Variants in SEMA6A observed in about 807,000 individuals in gnomAD.
The protein encoded by SEMA6A is semaphorin 6A.
In SEMA6A, 25 loss-of-function variants were observed where a neutral mutation model predicts 96.8. The ratio of observed to expected loss-of-function variants is 0.26; its 90% CI spans 0.19 to 0.36. SEMA6A has a LOEUF of 0.36. Ranked by LOEUF, SEMA6A falls within the 10% of genes least tolerant of loss-of-function variation. SEMA6A has a pLI of 1.00. For synonymous variants in SEMA6A, 612 were observed against 518.0 expected, an observed-to-expected ratio of 1.18 and a Z score of -2.46; for missense variants, 1,363 against 1,323.1, an observed-to-expected ratio of 1.03 and a Z score of -0.47.
At chr5:116,464,408 A>G (rs142814132) in intron 18 of SEMA6A, among the ~76,000 whole-genome samples, 395 of 152,334 alleles carry the variant, frequency 2.6e-3, no homozygotes, top group Non-Finnish European at 4.5e-3. Context: ...AGGACAAGAG[A>G]CATTAGACAA....
At chr5:116,452,623 A>G (rs746601716) in intron 18 of SEMA6A, among the ~76,000 whole-genome samples, 9 of 152,224 alleles carry the variant, frequency 5.9e-5, no homozygotes, top group Non-Finnish European at 1.2e-4. Flanking sequence ...GACTTTTCCT[A>G]TGATGACCAT....
At chr5:116,508,069 G>A (rs1758231623) in intron 1 of SEMA6A, 1 of 151,934 alleles carries the variant, frequency 6.6e-6, no homozygotes, top group Admixed American at 6.6e-5. Flanking sequence ...TTGGATCACA[G>A]AACTGTGATG....
intron 18 of SEMA6A, among the ~76,000 whole-genome samples, chr5:116,459,719 C>T (rs1411281897): frequency 2.0e-5 from 3 of 152,118 alleles, no homozygotes; most frequent in Admixed American, 6.5e-5. Flanking sequence ...CTTAGACTCC[C>T]TTAGTACTCT....
At chr5:116,459,861 A>G (rs1427254067) in intron 18 of SEMA6A, among the ~76,000 whole-genome samples, 1 of 152,120 alleles carries the variant, frequency 6.6e-6, no homozygotes, top group East Asian at 1.9e-4. Flanking sequence ...TCAAATTAGT[A>G]TCTTCTGTAA....
intron 1 of SEMA6A, among the ~76,000 whole-genome samples, chr5:116,546,414 C>T (rs1428761564): frequency 6.6e-6 from 1 of 152,256 alleles, no homozygotes; most frequent in Non-Finnish European, 1.5e-5. Context: ...GATAACCCTA[C>T]TACTGCACCC....
rs115001588 is a variant in SEMA6A at position 116,540,487 on chromosome 5, A to G, written c.-39+33698T>C. Among the ~76,000 whole-genome samples the G allele has an allele frequency of 1.7e-3, 260 of 152,270 alleles. 3 individuals carry two copies. The highest frequency in any genetic ancestry group is 0.011 in the South Asian group (52 of 4,828). On this transcript the variant is annotated intron_variant, in intron 1 of 18. Coordinates refer to ENST00000343348, the MANE Select transcript of SEMA6A (RefSeq NM_020796.5). ...CTGGCTATAGCTTCAGTTTCTGGCC[A>G]TTCCTCCTGGGAAGGCCTGGTCCCT...
chr5:116,465,964 T>C (rs1416914391), intron 18 of SEMA6A, among the ~76,000 whole-genome samples: 1 of 151,118 alleles, frequency 6.6e-6, no homozygotes, highest in Non-Finnish European at 1.5e-5. Context: ...GCTTGTAATC[T>C]GTCCGGACAG....
chr5:116,490,234 T>C (rs1035760031), intron 7 of SEMA6A, among the ~76,000 whole-genome samples: 25 of 152,338 alleles, frequency 1.6e-4, no homozygotes, highest in African/African-American at 4.6e-4. Flanking sequence ...AACCTTTAAA[T>C]TGGCCCAAAA....
intron 1 of SEMA6A, among the ~76,000 whole-genome samples, chr5:116,563,624 T>G (rs964900346): frequency 6.6e-6 from 1 of 152,368 alleles, no homozygotes; most frequent in South Asian, 2.1e-4. Context: ...TTTACTTTTC[T>G]TAAGCTACGT....
At chr5:116,564,566 C>T (rs532421888) in intron 1 of SEMA6A, among the ~76,000 whole-genome samples, 3 of 152,178 alleles carry the variant, frequency 2.0e-5, no homozygotes, top group African/African-American at 7.2e-5. Flanking sequence ...CTGCATCACA[C>T]GTGAAGCACA....
intron 1 of SEMA6A, among the ~76,000 whole-genome samples, chr5:116,530,283 C>T (rs543948700): frequency 6.0e-4 from 92 of 152,236 alleles, no homozygotes; most frequent in African/African-American, 2.1e-3. Context: ...ATAATCTGTA[C>T]GGAGAGTAAT....
At chr5:116,502,391 G>A in intron 2 of SEMA6A, 64 bp from the exon 3 acceptor site, 2 of 1,369,668 alleles carry the variant, frequency 1.5e-6, no homozygotes, top group Non-Finnish European at 2.1e-6. Context: ...GACAGGGTAG[G>A]GAGGGGAGGG....
intron 1 of SEMA6A, among the ~76,000 whole-genome samples, chr5:116,566,236 G>A (rs149238100): frequency 5.1e-4 from 77 of 152,250 alleles, no homozygotes; most frequent in African/African-American, 1.7e-3. Context: ...GGCTAAGAAA[G>A]GCGTAAACAG....
chr5:116,466,032 AAAG>A (rs1182290856), intron 18 of SEMA6A, among the ~76,000 whole-genome samples: 1 of 147,850 alleles, frequency 6.8e-6, no homozygotes, highest in Non-Finnish European at 1.5e-5. Flanking sequence ...CCTCAAACTG[AAAG>A]AAGGAGATGA....
At chr5:116,492,469 C>T (rs552892252) in intron 6 of SEMA6A, 1 of 152,226 alleles carries the variant, frequency 6.6e-6, no homozygotes, top group Admixed American at 6.5e-5. Flanking sequence ...AAATCTTAGA[C>T]TTCACAGCAG....
intron 3 of SEMA6A, among the ~76,000 whole-genome samples, chr5:116,501,063 G>A (rs576344354): frequency 6.6e-5 from 10 of 152,270 alleles, no homozygotes; most frequent in African/African-American, 2.4e-4. Flanking sequence ...TGATTAAACA[G>A]TGTAGAGCCA....
intron 1 of SEMA6A, among the ~76,000 whole-genome samples, chr5:116,541,476 C>T (rs981745057): frequency 1.3e-5 from 2 of 152,162 alleles, no homozygotes; most frequent in African/African-American, 4.8e-5. Context: ...AGGTCACTCA[C>T]ACAAGTTCAT....
chr5:116,486,955 T>C lies in SEMA6A; in HGVS notation c.756A>G (p.Pro252=). The C allele has an allele frequency of 6.2e-7, 1 of 1,613,362 alleles. No individual in the cohort carries two copies. The highest frequency in any genetic ancestry group is 8.5e-7 in the Non-Finnish European group (1 of 1,179,416). The change falls in exon 10 of 19, where the codon CCA becomes CCG. Residue 252 remains proline (P), a synonymous_variant. Transcript: ENST00000343348. ...EYNTMGKVVF[P]RVAQVCKNDM... is the part of the protein sequence containing the mutation. ...CATTCTTACAAACCTGAGCCACTCT[T>C]GGGAAAACTACCTGCAGAGGAAAAA...
intron 1 of SEMA6A, among the ~76,000 whole-genome samples, chr5:116,534,982 C>T (rs565377425): frequency 6.6e-6 from 1 of 152,368 alleles, no homozygotes; most frequent in East Asian, 1.9e-4. Flanking sequence ...GATGCTAACT[C>T]ATCCTTGCAT....
Sources: allele counts gnomAD v4.1 joint callset (sites outside exome capture counted in the v4.1 genomes callset), GRCh38; gene constraint gnomAD v4.1.1; transcripts MANE v1.5; gene names NCBI Gene and HGNC (gene_info 2026-07-23, HGNC 2026-07-21).